MARCHF10: variants seen among roughly 807,000 people sequenced by gnomAD.
MARCHF10 encodes the protein probable E3 ubiquitin-protein ligase MARCHF10.
A neutral mutation model predicts 76.2 loss-of-function variants in MARCHF10; 64 were observed. The ratio of observed to expected loss-of-function variants is 0.84; its 90% CI spans 0.69 to 1.03. The LOEUF is 1.03. Ranked by LOEUF, MARCHF10 falls within the 50% of genes least tolerant of loss-of-function variation. The pLI, the probability that MARCHF10 is intolerant of heterozygous loss-of-function variation, is 0.00. For synonymous variants in MARCHF10, 340 were observed against 357.5 expected (o/e 0.95, Z 0.55); for missense variants, 875 against 958.0 (o/e 0.91, Z 1.14).
chr17:62,772,161 T>G (rs554035168), intron 3 of MARCHF10, among the ~76,000 whole-genome samples: 1 of 152,174 alleles, frequency 6.6e-6, no homozygotes, highest in Non-Finnish European at 1.5e-5. Flanking sequence ...ACAATTCCCA[T>G]GTGTCATGGG....
At chr17:62,751,267 G>T (rs2091889982) in intron 4 of MARCHF10, among the ~76,000 whole-genome samples, 1 of 152,084 alleles carries the variant, frequency 6.6e-6, no homozygotes, top group Admixed American at 6.5e-5. Flanking sequence ...TTGAATCGAC[G>T]GCTTACCTGC....
At chr17:62,720,459 A>G (rs1450037020) in intron 8 of MARCHF10, among the ~76,000 whole-genome samples, 2 of 152,156 alleles carry the variant, frequency 1.3e-5, no homozygotes, top group East Asian at 3.8e-4. Context: ...ATGGCTAGAG[A>G]GGGCTGGAGT....
chr17:62,747,031 T>C (rs572259443), intron 4 of MARCHF10: 166 of 1,292,340 alleles, frequency 1.3e-4, no homozygotes, highest in Middle Eastern at 1.8e-4. Context: ...CTTTAGTGTT[T>C]AAATATTCTA....
chr17:62,794,188 C>G (rs2092946603), intron 2 of MARCHF10, among the ~76,000 whole-genome samples: 1 of 151,166 alleles, frequency 6.6e-6, no homozygotes, highest in Non-Finnish European at 1.5e-5. Flanking sequence ...CAAACACCAT[C>G]ACAACCATCA....
intron 4 of MARCHF10, chr17:62,747,053 T>C: frequency 9.3e-7 from 1 of 1,072,400 alleles, no homozygotes; most frequent in Non-Finnish European, 1.4e-6. Context: ...AATTGCTTAA[T>C]GAGTATGTCT....
At chr17:62,774,452 C>T (rs970847084) in intron 3 of MARCHF10, among the ~76,000 whole-genome samples, 1 of 152,112 alleles carries the variant, frequency 6.6e-6, no homozygotes, top group Non-Finnish European at 1.5e-5. Flanking sequence ...AATGAAACAG[C>T]ACAAGCCTCG....
chr17:62,791,171 C>T (rs574133366), intron 2 of MARCHF10, among the ~76,000 whole-genome samples: 13 of 152,238 alleles, frequency 8.5e-5, no homozygotes, highest in African/African-American at 2.9e-4. Flanking sequence ...TAAAGGGAGT[C>T]GGCTGGAAAG....
At chr17:62,710,218 T>C (rs952909781) in intron 9 of MARCHF10, among the ~76,000 whole-genome samples, 1 of 152,248 alleles carries the variant, frequency 6.6e-6, no homozygotes, top group Non-Finnish European at 1.5e-5. Context: ...CAACCCCGGA[T>C]GCTTTGAAGT....
rs918828763 is a variant in MARCHF10 at position 62,704,914 on chromosome 17, G to T, written c.2371+625C>A. 6.1e-6 allele frequency: 6 copies of T among 983,112 alleles called. No individual in the cohort carries two copies. The African/African-American group carries it at 1.1e-4, about 17-fold the overall frequency. 60.9% of individuals were successfully genotyped at this position (983,112 alleles called of 1,614,324 possible). ...TCTTCCCGAGTCTGACTTCGAGCCC[G>T]CCTGCTTTATTAAGCACGTTTTTCT... On this transcript the variant is annotated intron_variant, in intron 10 of 10. Coordinates refer to ENST00000311269, the MANE Select transcript of MARCHF10 (RefSeq NM_152598.4).
chr17:62,722,500 G>A lies in MARCHF10; in HGVS notation c.2202C>T (p.His734=). The part of the protein sequence containing the change: ...DFNMIEFYQK[H]QQSQAQNELM... ...CCACATTTCTTACCTGAGATTGCTG[G>A]TGCTTCTGGTAGAACTCAATCATGT... The change falls in exon 8 of 11, where the codon CAC becomes CAT. Residue 734 remains histidine (H), a synonymous_variant. Coordinates refer to ENST00000311269, the MANE Select transcript of MARCHF10 (RefSeq NM_152598.4). 2 of 1,612,698 alleles carry A rather than the reference G, an allele frequency of 1.2e-6. No homozygotes were observed. Among genetic ancestry groups the A allele is most frequent in the Non-Finnish European group, 1.7e-6 (2 of 1,179,442 alleles).
intron 3 of MARCHF10, among the ~76,000 whole-genome samples, chr17:62,787,884 C>T (rs2092772255): frequency 1.3e-5 from 2 of 151,892 alleles, no homozygotes; most frequent in South Asian, 4.2e-4. Context: ...ATGGTAACTG[C>T]TTAATTATTA....
chr17:62,747,829 C>A (rs2091759164), intron 4 of MARCHF10, among the ~76,000 whole-genome samples: 1 of 152,168 alleles, frequency 6.6e-6, no homozygotes, highest in African/African-American at 2.4e-5. Context: ...ATCCAAAAGG[C>A]AAATAGCAAC....
At chr17:62,773,632 C>T (rs533629993) in intron 3 of MARCHF10, among the ~76,000 whole-genome samples, 2 of 152,132 alleles carry the variant, frequency 1.3e-5, no homozygotes, top group African/African-American at 4.8e-5. Context: ...GGGATGAGAC[C>T]CAGGCTCACG....
chr17:62,722,585 C>T lies in MARCHF10; in HGVS notation c.2117G>A (p.Gly706Asp). 5.6e-6 allele frequency: 9 copies of T among 1,613,452 alleles called. No individual in the cohort carries two copies. Among genetic ancestry groups the T allele is most frequent in the Non-Finnish European group, 7.6e-6 (9 of 1,179,730 alleles). ...ACACATCTCACAGGTCTTCACGGCACCAAGATCTGCTCCTTAAATTGGATA... is the reference window on the plus strand; with the variant it reads ...ACACATCTCACAGGTCTTCACGGCATCAAGATCTGCTCCTTAAATTGGATA... ...KVKITSGADL[G>D]AVKTCEMCKQ... The change falls in exon 8 of 11, where the codon GGT becomes GAT. Residue 706 changes from glycine to aspartate, a missense_variant. Physicochemically the swap from Gly to Asp is moderately conservative, Grantham distance 94. Coordinates refer to ENST00000311269, the MANE Select transcript of MARCHF10 (RefSeq NM_152598.4).
rs557869760 is a variant in MARCHF10 at position 62,711,160 on chromosome 17, A to G, written c.2328+71T>C. 298 of 1,257,216 alleles carry G rather than the reference A, an allele frequency of 2.4e-4. 6 individuals are homozygous for G. In the South Asian group the frequency reaches 3.5e-3, roughly 15 times the overall value. 77.9% of individuals were successfully genotyped at this position (1,257,216 alleles called of 1,614,324 possible). A position where few individuals can be genotyped will look rare whatever the true frequency, so the allele number is the denominator to read the frequency against. On this transcript the variant is annotated intron_variant, in intron 9 of 10. Transcript: ENST00000311269. The surrounding 1 kb of genome is among the most constrained non-coding windows in gnomAD (Gnocchi z 4.4). ...GACCGTGAGGACCTCAACAGCTTGC[A>G]CATCTAATAAACAGCACTGCAGGGT...
chr17:62,702,233 G>A (rs1020049570), intron 10 of MARCHF10, among the ~76,000 whole-genome samples: 2 of 152,074 alleles, frequency 1.3e-5, no homozygotes, highest in African/African-American at 4.8e-5. Flanking sequence ...CTGGGACGCA[G>A]TGCAGTCCCA....
At chr17:62,795,235 T>A (rs1019042872) in intron 2 of MARCHF10, among the ~76,000 whole-genome samples, 7 of 151,772 alleles carry the variant, frequency 4.6e-5, no homozygotes, top group Non-Finnish European at 4.4e-5. Flanking sequence ...ATGAAACCAG[T>A]TTGAACACAT....
At position 62,711,202 on chromosome 17, in the gene MARCHF10, G is replaced by C. The variant is rs1166612469; in HGVS notation, c.2328+29C>G. The C allele has an allele frequency of 1.3e-6, 2 of 1,592,768 alleles. No individual in the cohort carries two copies. Among genetic ancestry groups the C allele is most frequent in the East Asian group, 2.2e-5 (1 of 44,768 alleles). On this transcript the variant is annotated intron_variant, in intron 9 of 10. Coordinates refer to ENST00000311269, the MANE Select transcript of MARCHF10 (RefSeq NM_152598.4). The surrounding 1 kb of genome is among the most constrained non-coding windows in gnomAD (Gnocchi z 4.4). Reference sequence around the variant, plus strand: ...CTGCAGGGTTTTCAGGGCTGCCACCGGACAGCTCTGGGTCACAGCCAGACT... The same window carrying C: ...CTGCAGGGTTTTCAGGGCTGCCACCCGACAGCTCTGGGTCACAGCCAGACT...
At chr17:62,729,227 G>A (rs1388806816) in intron 6 of MARCHF10, among the ~76,000 whole-genome samples, 1 of 152,044 alleles carries the variant, frequency 6.6e-6, no homozygotes, top group Non-Finnish European at 1.5e-5. Context: ...ATAGGTGTGA[G>A]CCACTGTGCC....
Sources: allele counts gnomAD v4.1 joint callset (sites outside exome capture counted in the v4.1 genomes callset), GRCh38; gene constraint gnomAD v4.1.1; non-coding constraint Gnocchi (gnomAD v3.1); transcripts MANE v1.5; gene names NCBI Gene and HGNC (gene_info 2026-07-23, HGNC 2026-07-21).